The following EVA1C variants were observed in gnomAD, a reference collection of about 807,000 sequenced individuals.
EVA1C encodes the protein protein eva-1 homolog C.
In EVA1C, 25 loss-of-function variants were observed where a neutral mutation model predicts 45.4. The observed-to-expected ratio is 0.55, with a 90% confidence interval of 0.40 to 0.77. EVA1C has a LOEUF of 0.77. EVA1C is among the 30% of genes least tolerant of loss of function. EVA1C has a pLI of 0.00. For synonymous variants in EVA1C, 190 were observed against 221.2 expected, an observed-to-expected ratio of 0.86 and a Z score of 1.25; for missense variants, 479 against 554.8, an observed-to-expected ratio of 0.86 and a Z score of 1.37.
intron 1 of EVA1C, among the ~76,000 whole-genome samples, chr21:32,418,340 TG>T (rs890451787): frequency 9.0e-4 from 137 of 152,300 alleles, no homozygotes; most frequent in African/African-American, 3.1e-3. Context: ...TCTGCTCATC[TG>T]TTTCCATGGA....
intron 1 of EVA1C, among the ~76,000 whole-genome samples, chr21:32,420,522 A>G (rs910449442): frequency 1.3e-5 from 2 of 151,906 alleles, no homozygotes; most frequent in Admixed American, 1.3e-4. Flanking sequence ...AGTAGTTGGG[A>G]CTATAGTCAC....
intron 1 of EVA1C, among the ~76,000 whole-genome samples, chr21:32,425,555 C>A (rs2146131548): frequency 6.6e-6 from 1 of 152,214 alleles, no homozygotes; most frequent in East Asian, 1.9e-4. Flanking sequence ...AAGGTCTTTT[C>A]TTGTCTCAGA....
chr21:32,418,737 G>A (rs2034149219), intron 1 of EVA1C, among the ~76,000 whole-genome samples: 1 of 144,330 alleles, frequency 6.9e-6, no homozygotes, highest in Non-Finnish European at 1.5e-5. Context: ...GGTGTTGGGG[G>A]TAGGGAGGAG....
At chr21:32,417,466 T>C (rs2034094625) in intron 1 of EVA1C, among the ~76,000 whole-genome samples, 1 of 152,170 alleles carries the variant, frequency 6.6e-6, no homozygotes, top group African/African-American at 2.4e-5. Flanking sequence ...CTTCAAATGA[T>C]CTCATTTTCA....
intron 4 of EVA1C, among the ~76,000 whole-genome samples, chr21:32,483,001 G>A (rs138464728): frequency 0.018 from 34 of 1,878 alleles, no homozygotes; most frequent in African/African-American, 0.021. Flanking sequence ...GACTACAGGC[G>A]CACACCATCA....
chr21:32,476,094 G>T (rs2036552367), intron 4 of EVA1C, among the ~76,000 whole-genome samples: 1 of 151,538 alleles, frequency 6.6e-6, no homozygotes, highest in Non-Finnish European at 1.5e-5. Flanking sequence ...TCATATTTTT[G>T]TGGTTATTGT....
chr21:32,432,610 G>A (rs115530569), intron 1 of EVA1C, among the ~76,000 whole-genome samples: 1,948 of 152,254 alleles, frequency 0.013, 42 homozygotes, highest in African/African-American at 0.044. Flanking sequence ...ACTGTGGTAG[G>A]CAGGTCTTTC....
At chr21:32,446,206 G>T (rs534608293) in intron 1 of EVA1C, among the ~76,000 whole-genome samples, 1 of 151,926 alleles carries the variant, frequency 6.6e-6, no homozygotes, top group Admixed American at 6.6e-5. Context: ...TTGTGCCATT[G>T]CACTCCAGCC....
intron 3 of EVA1C, among the ~76,000 whole-genome samples, chr21:32,458,306 G>A (rs941543924): frequency 8.5e-5 from 13 of 152,070 alleles, no homozygotes; most frequent in Admixed American, 2.6e-4. Flanking sequence ...TTTCTAATAC[G>A]CATCAGCTTT....
Position 32,441,230 on chromosome 21 carries a change from C to T in EVA1C, c.161-12082C>T, listed in dbSNP as rs573495851. 1.4e-4 allele frequency among the ~76,000 whole-genome samples: 21 copies of T among 152,224 alleles called. 1 individual carries two copies. The South Asian group carries it at 4.4e-3, about 32-fold the overall frequency. On this transcript the variant is annotated intron_variant, in intron 1 of 7. Transcript: ENST00000300255. ...TTACATCCCAAAGGGGAGAAACAGG[C>T]AACAGGTTTCTACGTAGCAAGATAA...
intron 4 of EVA1C, among the ~76,000 whole-genome samples, chr21:32,494,475 C>T (rs996920437): frequency 1.3e-5 from 2 of 152,204 alleles, no homozygotes; most frequent in Non-Finnish European, 2.9e-5. Flanking sequence ...TGCAAAGCCC[C>T]TTGTTCAAAA....
chr21:32,439,268 G>T (rs969044198), intron 1 of EVA1C, among the ~76,000 whole-genome samples: 1 of 150,422 alleles, frequency 6.6e-6, no homozygotes, highest in Admixed American at 6.6e-5. Context: ...AATCAGAAGC[G>T]ACCACCGTCA....
chr21:32,449,663 C>G (rs544663970), intron 1 of EVA1C, among the ~76,000 whole-genome samples: 5 of 151,252 alleles, frequency 3.3e-5, no homozygotes, highest in Admixed American at 2.6e-4. Context: ...GCTCTGTTTC[C>G]CCTGCTGGAG....
intron 1 of EVA1C, among the ~76,000 whole-genome samples, chr21:32,435,318 A>C (rs1415144379): frequency 6.6e-6 from 1 of 152,056 alleles, no homozygotes; most frequent in African/African-American, 2.4e-5. Context: ...CCTCCTGAGT[A>C]GCTGGGATTA....
chr21:32,486,432 T>A (rs768304659), intron 4 of EVA1C, among the ~76,000 whole-genome samples: 1 of 152,276 alleles, frequency 6.6e-6, no homozygotes, highest in East Asian at 1.9e-4. Flanking sequence ...GCCCTTACTG[T>A]TGTTCTTGAC....
chr21:32,491,323 A>G (rs1415627299), intron 4 of EVA1C, among the ~76,000 whole-genome samples: 1 of 152,074 alleles, frequency 6.6e-6, no homozygotes, highest in Non-Finnish European at 1.5e-5. Flanking sequence ...CCTTGTGCAC[A>G]GTTCTGAGGA....
intron 2 of EVA1C, 119 bp from the exon 3 acceptor site, chr21:32,457,478 A>G: frequency 8.6e-7 from 1 of 1,168,712 alleles, no homozygotes; most frequent in Non-Finnish European, 1.3e-6. Flanking sequence ...CCTTAGACAC[A>G]GCTTGGCCAG....
At chr21:32,507,383 TGCATGTGCGTCTGTGA>T (rs1467143710) in intron 7 of EVA1C, among the ~76,000 whole-genome samples, 1 of 149,676 alleles carries the variant, frequency 6.7e-6, no homozygotes, top group African/African-American at 2.5e-5. Flanking sequence ...TGTGCATGTG[TGCATGTGCGTCTGTGA>T]GCATGTGCAT....
At chr21:32,502,020 CTTT>C (rs1568949724) in intron 6 of EVA1C, among the ~76,000 whole-genome samples, 3 of 135,640 alleles carry the variant, frequency 2.2e-5, no homozygotes, top group African/African-American at 6.0e-5. Context: ...TTCTTTCTTT[CTTT>C]CTTTCTTTCT....
Sources: gnomAD v4.1 joint callset for allele counts (sites outside exome capture counted in the v4.1 genomes callset) on GRCh38, gnomAD v4.1.1 for gene constraint, MANE v1.5 for transcripts, NCBI Gene and HGNC (gene_info 2026-07-23, HGNC 2026-07-21) for gene names.